The following DNAJC6 variants were observed in gnomAD, a reference collection of about 807,000 sequenced individuals.
DNAJC6 encodes auxilin.
In DNAJC6, 34 loss-of-function variants were observed where a neutral mutation model predicts 110.0. The ratio of observed to expected loss-of-function variants is 0.31; its 90% CI spans 0.24 to 0.41. The LOEUF is 0.41. Among genes scored for constraint, DNAJC6 ranks in the 10% least tolerant of loss-of-function variants. The probability of loss-of-function intolerance (pLI) is 1.00; values close to 1 mark genes in which losing one functional copy is unlikely to be tolerated. For missense variants in DNAJC6, 1,031 were observed against 1,207.8 expected, an observed-to-expected ratio of 0.85 and a Z score of 2.17; for synonymous variants, 406 against 437.2, an observed-to-expected ratio of 0.93 and a Z score of 0.89.
intron 1 of DNAJC6, among the ~76,000 whole-genome samples, chr1:65,266,180 T>C (rs904452624): frequency 6.8e-6 from 1 of 147,710 alleles, no homozygotes; most frequent in Non-Finnish European, 1.5e-5. Flanking sequence ...CTTGGCCTTC[T>C]CCAGTCCTCG....
intron 1 of DNAJC6, among the ~76,000 whole-genome samples, chr1:65,269,888 G>A (rs1182944146): frequency 2.0e-5 from 3 of 152,166 alleles, no homozygotes; most frequent in South Asian, 4.1e-4. Context: ...AGTGCCCTCC[G>A]GTGTTCTGGG....
chr1:65,393,330 C>T (rs1645947062), intron 12 of DNAJC6, among the ~76,000 whole-genome samples: 1 of 152,194 alleles, frequency 6.6e-6, no homozygotes, highest in African/African-American at 2.4e-5. Flanking sequence ...AGAATTAAAT[C>T]AGTAGCATAG....
At chr1:65,403,480 T>C (rs1033997) in intron 15 of DNAJC6, among the ~76,000 whole-genome samples, 99,940 of 152,124 alleles carry the variant, frequency 0.66, 34,313 homozygotes, top group African/African-American at 0.88. Flanking sequence ...TGAGTACTTA[T>C]TATGTGGTAG....
intron 1 of DNAJC6, among the ~76,000 whole-genome samples, chr1:65,289,312 C>T (rs903121826): frequency 2.0e-5 from 3 of 152,168 alleles, no homozygotes; most frequent in Admixed American, 2.0e-4. Flanking sequence ...TCTCCTGCCT[C>T]AGCCTCCTGA....
At position 65,389,256 on chromosome 1, in the gene DNAJC6, G is replaced by A; in HGVS notation, c.1194G>A (p.Lys398=). The A allele has an allele frequency of 1.2e-6, 2 of 1,612,738 alleles. No individual in the cohort carries two copies. The highest frequency in any genetic ancestry group is 1.7e-6 in the Non-Finnish European group (2 of 1,179,228). ...PLDTTVLKFT[K]PELDACDVPE... ...TTATCTTTTTTAAATCCCTATTTAG[G>A]CCTGAGTTAGATGCATGTGATGTAC... The change falls in exon 10 of 19, where the codon AAG becomes AAA. Residue 398 remains lysine, a splice_region_variant and synonymous_variant. Transcript: ENST00000371069.
chr1:65,313,711 G>A (rs1164092511), intron 1 of DNAJC6, among the ~76,000 whole-genome samples: 3 of 152,154 alleles, frequency 2.0e-5, no homozygotes, highest in Non-Finnish European at 4.4e-5. Flanking sequence ...CATGTTCAGA[G>A]GAATGTAATG....
At chr1:65,307,099 A>G (rs553534427), upstream of DNAJC6, among the ~76,000 whole-genome samples, 1 of 149,942 alleles carries the variant, frequency 6.7e-6, no homozygotes, top group African/African-American at 2.5e-5. Flanking sequence ...TGCTTGTTTT[A>G]TAGAGTAGAA....
intron 1 of DNAJC6, among the ~76,000 whole-genome samples, chr1:65,335,398 G>C (rs191729380): frequency 2.9e-3 from 446 of 152,018 alleles, no homozygotes; most frequent in South Asian, 5.0e-3. Context: ...ACAGGCATGA[G>C]CCACCAGGCC....
chr1:65,337,994 A>G (rs1006545658), intron 1 of DNAJC6, among the ~76,000 whole-genome samples: 1 of 152,172 alleles, frequency 6.6e-6, no homozygotes, highest in Non-Finnish European at 1.5e-5. Flanking sequence ...TGGTATCACC[A>G]GATGTTCCAG....
intron 13 of DNAJC6, among the ~76,000 whole-genome samples, chr1:65,396,630 G>A (rs775278719): frequency 2.0e-5 from 3 of 152,002 alleles, no homozygotes; most frequent in South Asian, 2.1e-4. Context: ...ATTGCAACTC[G>A]TCTCCCTGCC....
intron 15 of DNAJC6, among the ~76,000 whole-genome samples, chr1:65,405,462 A>T (rs866870717): frequency 2.6e-5 from 4 of 152,104 alleles, no homozygotes; most frequent in African/African-American, 7.2e-5. Flanking sequence ...GGTTTTTTTT[A>T]AATTTTATTC....
rs997958723 is a variant in DNAJC6, at chr1:65,366,452, G to A, written c.543+256G>A. On this transcript the variant is annotated intron_variant, in intron 4 of 18. Coordinates refer to ENST00000371069, the MANE Select transcript of DNAJC6 (RefSeq NM_001256864.2). The stretch of plus-strand genomic sequence containing the variant: ...TGGGGTCTCAAGTCTGTTGGTGCCT[G>A]GTTGTTCCATGGCACAGTGTTCATG... Among the ~76,000 whole-genome samples, 9 of 152,284 alleles carry A rather than the reference G, an allele frequency of 5.9e-5. No individual in the cohort carries two copies. The South Asian group carries it at 1.0e-3, about 18-fold the overall frequency.
At chr1:65,331,747 T>G (rs1330183691) in intron 1 of DNAJC6, among the ~76,000 whole-genome samples, 1 of 152,218 alleles carries the variant, frequency 6.6e-6, no homozygotes, top group Non-Finnish European at 1.5e-5. Flanking sequence ...CCATGTTTGC[T>G]GAGTATGAGC....
At chr1:65,318,809 CGTT>C (rs1645170827) in intron 1 of DNAJC6, among the ~76,000 whole-genome samples, 2 of 152,098 alleles carry the variant, frequency 1.3e-5, no homozygotes, top group South Asian at 4.1e-4. Context: ...TCATGGCACA[CGTT>C]TATCTATGTA....
At chr1:65,292,999 CT>C (rs1644894234) in intron 1 of DNAJC6, among the ~76,000 whole-genome samples, 1 of 152,140 alleles carries the variant, frequency 6.6e-6, no homozygotes, top group Non-Finnish European at 1.5e-5. Flanking sequence ...GGCTTGTTCT[CT>C]TGGAGAAGGA....
At chr1:65,300,288 C>T (rs900032385) in intron 1 of DNAJC6, among the ~76,000 whole-genome samples, 2 of 152,114 alleles carry the variant, frequency 1.3e-5, no homozygotes, top group African/African-American at 4.8e-5. Flanking sequence ...GTCTTCCACC[C>T]TCAAGGTTAA....
At position 65,409,562 on chromosome 1, in the gene DNAJC6, G is replaced by T. The variant is rs77012722; in HGVS notation, c.2634+779G>T. Among the ~76,000 whole-genome samples, 468 of 152,230 alleles carry T rather than the reference G, an allele frequency of 3.1e-3. 2 individuals carry two copies. The highest frequency in any genetic ancestry group is 0.011 in the African/African-American group (438 of 41,540). On this transcript the variant is annotated intron_variant, in intron 17 of 18. Coordinates refer to ENST00000371069, the MANE Select transcript of DNAJC6 (RefSeq NM_001256864.2). ...TGCATTATTTATGTTTTCTCTTTCT[G>T]CTTTGAGAGCTTTTTTATTAAACCA...
At chr1:65,269,393 G>C (rs1048545610) in intron 1 of DNAJC6, among the ~76,000 whole-genome samples, 1 of 151,598 alleles carries the variant, frequency 6.6e-6, no homozygotes, top group Admixed American at 6.6e-5. Flanking sequence ...AGTTGTCTAT[G>C]CCAATGGTTC....
chr1:65,337,185 C>T (rs1245823990), intron 1 of DNAJC6, among the ~76,000 whole-genome samples: 3 of 148,962 alleles, frequency 2.0e-5, no homozygotes, highest in African/African-American at 7.4e-5. Flanking sequence ...AAGACTATCT[C>T]GTAGGTCGTG....
Sources: allele counts gnomAD v4.1 joint callset (sites outside exome capture counted in the v4.1 genomes callset), GRCh38; gene constraint gnomAD v4.1.1; transcripts MANE v1.5; gene names NCBI Gene and HGNC (gene_info 2026-07-23, HGNC 2026-07-21).